The following EIF4G3 variants were observed in gnomAD, a reference collection of about 807,000 sequenced individuals.
EIF4G3 encodes the protein eukaryotic translation initiation factor 4 gamma 3.
A neutral mutation model predicts 186.4 loss-of-function variants in EIF4G3; 34 were observed. The ratio of observed to expected loss-of-function variants is 0.18; its 90% CI spans 0.14 to 0.24. The LOEUF is 0.24. EIF4G3 is among the 10% of genes least tolerant of loss of function. EIF4G3 has a pLI of 1.00. For missense variants in EIF4G3, 1,536 were observed against 1,948.5 expected (o/e 0.79, Z 3.99); for synonymous variants, 673 against 679.5 (o/e 0.99, Z 0.15).
rs1261703678 is a variant in EIF4G3, at chr1:20,806,719, G to C, written c.*600C>G. 1.3e-5 allele frequency: 2 copies of C among 148,712 alleles called. No homozygotes were observed. The highest frequency in any genetic ancestry group is 3.9e-4 in the East Asian group (2 of 5,106). 9.2% of individuals were successfully genotyped at this position (148,712 alleles called of 1,614,324 possible). On this transcript the variant is annotated 3_prime_UTR_variant, in exon 37 of 37. Transcript: ENST00000602326. ...GCATTTCCTTCTGTTTCAATGTTAT[G>C]TATGTTTTGATTACTATTGTGATTT...
intron 2 of EIF4G3, 192 bp downstream of exon 2, chr1:21,175,983 T>C: frequency 3.9e-6 from 1 of 257,196 alleles, no homozygotes; most frequent in Non-Finnish European, 7.3e-6. Flanking sequence ...TTGCAGAGGG[T>C]CTGGGGGTCC....
At chr1:20,996,655 A>G (rs769629717) in intron 7 of EIF4G3, among the ~76,000 whole-genome samples, 9 of 152,242 alleles carry the variant, frequency 5.9e-5, no homozygotes, top group East Asian at 1.9e-4. Context: ...ACTTTGTTCC[A>G]TAACAATCAT....
chr1:20,893,602 T>C lies in EIF4G3; in HGVS notation c.2168A>G (p.Asp723Gly). The C allele has an allele frequency of 3.2e-6, 5 of 1,586,472 alleles. No homozygotes were observed. Among genetic ancestry groups the C allele is most frequent in the Non-Finnish European group, 4.3e-6 (5 of 1,159,442 alleles). The change falls in exon 18 of 37, where the codon GAT (aspartate) becomes GGT (glycine). Residue 723 changes from aspartate (D) to glycine (G), a missense_variant. Asp to Gly is a moderately conservative substitution (Grantham distance 94, BLOSUM62 -1). Around this residue, in one of 11 missense-constraint regions of EIF4G3, gnomAD observed 139 missense variants for 192.8 expected, o/e 0.72. Transcript: ENST00000602326. ...TGGTCCTCGAGGCAAAATTCGAGGATCCAGAGTTCGCATTGGCAATTTGGG... is the reference window on the plus strand; with the variant it reads ...TGGTCCTCGAGGCAAAATTCGAGGACCCAGAGTTCGCATTGGCAATTTGGG... ...NQPKLPMRTLDPRILPRGPDF... is the reference protein window; with the variant it reads ...NQPKLPMRTLGPRILPRGPDF...
intron 2 of EIF4G3, among the ~76,000 whole-genome samples, chr1:21,159,428 G>C (rs1239032682): frequency 6.7e-6 from 1 of 148,172 alleles, no homozygotes; most frequent in African/African-American, 2.5e-5. Flanking sequence ...CAGAGCAAGG[G>C]TTTAAAAAAA....
At chr1:20,959,654 GCAATAA>G (rs1452731804) in intron 12 of EIF4G3, among the ~76,000 whole-genome samples, 1 of 115,496 alleles carries the variant, frequency 8.7e-6, no homozygotes, top group African/African-American at 3.5e-5. Context: ...AAACAAATCA[GCAATAA>G]TAATAATAAT....
At chr1:21,149,956 C>T (rs2097524312) in intron 2 of EIF4G3, among the ~76,000 whole-genome samples, 1 of 152,270 alleles carries the variant, frequency 6.6e-6, no homozygotes, top group African/African-American at 2.4e-5. Flanking sequence ...ATTTCTTCTA[C>T]TGCAGAGAAT....
intron 3 of EIF4G3, among the ~76,000 whole-genome samples, chr1:21,059,506 T>C (rs1410179261): frequency 6.6e-6 from 1 of 151,372 alleles, no homozygotes; most frequent in Non-Finnish European, 1.5e-5. Flanking sequence ...ATGACACCAT[T>C]TGAATTCTGT....
intron 6 of EIF4G3, among the ~76,000 whole-genome samples, chr1:21,000,173 G>A (rs1234613354): frequency 3.4e-5 from 5 of 148,948 alleles, no homozygotes; most frequent in Non-Finnish European, 7.4e-5. Context: ...CCAGTAAAAC[G>A]AGAAAATGGA....
At chr1:21,145,757 C>A (rs987028599) in intron 2 of EIF4G3, among the ~76,000 whole-genome samples, 1 of 151,774 alleles carries the variant, frequency 6.6e-6, no homozygotes, top group Admixed American at 6.6e-5. Context: ...AAAATCTAGC[C>A]AATATCACAA....
chr1:21,163,667 G>A (rs10127916), intron 2 of EIF4G3, among the ~76,000 whole-genome samples: 147,371 of 152,362 alleles, frequency 0.97, 71,459 homozygotes, highest in East Asian at 1. Flanking sequence ...TTACACCTAA[G>A]GGTAACAAAA....
At chr1:21,114,215 C>T (rs1164764941) in intron 2 of EIF4G3, among the ~76,000 whole-genome samples, 2 of 151,532 alleles carry the variant, frequency 1.3e-5, no homozygotes, top group Non-Finnish European at 2.9e-5. Context: ...GGCGCGATCT[C>T]GCCTCACTGA....
At chr1:20,860,332 A>G (rs937741372) in intron 24 of EIF4G3, 53 bp downstream of exon 24, 1 of 1,607,672 alleles carries the variant, frequency 6.2e-7, no homozygotes, top group Admixed American at 1.7e-5. Context: ...AATTCTTAAT[A>G]TGTATTCCTG....
At chr1:21,150,801 ACC>A (rs755720187) in intron 2 of EIF4G3, among the ~76,000 whole-genome samples, 1 of 152,010 alleles carries the variant, frequency 6.6e-6, no homozygotes, top group African/African-American at 2.4e-5. Context: ...ACATGGTGAA[ACC>A]CCGTTTCTAC....
At chr1:20,933,108 T>C (rs931566385) in intron 14 of EIF4G3, among the ~76,000 whole-genome samples, 14 of 152,164 alleles carry the variant, frequency 9.2e-5, no homozygotes, top group Non-Finnish European at 1.9e-4. Flanking sequence ...TTGAGAAGTT[T>C]AGAGTTCATC....
At chr1:20,877,012 A>G (rs1035371737) in intron 20 of EIF4G3, among the ~76,000 whole-genome samples, 3 of 152,148 alleles carry the variant, frequency 2.0e-5, no homozygotes, top group Non-Finnish European at 1.5e-5. Flanking sequence ...ACAATCCAAT[A>G]AAGTTTTCAA....
chr1:20,830,711 T>C (rs940802704), intron 30 of EIF4G3, among the ~76,000 whole-genome samples: 4 of 152,178 alleles, frequency 2.6e-5, no homozygotes, highest in African/African-American at 9.7e-5. Flanking sequence ...TATACCCATA[T>C]TCTTGCTTTG....
At chr1:21,073,695 A>G (rs1456673979) in intron 3 of EIF4G3, 1 of 511,276 alleles carries the variant, frequency 2.0e-6, no homozygotes, top group African/African-American at 1.9e-5. Flanking sequence ...TCTATTACCA[A>G]GGGCTCATGA....
At chr1:20,829,964 TAA>T (rs779481066) in intron 30 of EIF4G3, among the ~76,000 whole-genome samples, 7 of 152,220 alleles carry the variant, frequency 4.6e-5, no homozygotes, top group Non-Finnish European at 1.0e-4. Context: ...TTATGTAGGC[TAA>T]AAATCATAGC....
intron 10 of EIF4G3, among the ~76,000 whole-genome samples, chr1:20,976,167 T>TTTTA (rs144068009): frequency 1.3e-5 from 2 of 151,434 alleles, no homozygotes; most frequent in East Asian, 1.9e-4. Context: ...TGTATTTTTA[T>TTTTA]TTTATTTATT....
Sources: gnomAD v4.1 joint callset for allele counts (sites outside exome capture counted in the v4.1 genomes callset) on GRCh38, gnomAD v4.1.1 for gene constraint, gnomAD v4.1.1 regional missense constraint, MANE v1.5 for transcripts, NCBI Gene and HGNC (gene_info 2026-07-23, HGNC 2026-07-21) for gene names.